The following DNAH10 variants were observed in gnomAD, a reference collection of about 807,000 sequenced individuals.
The protein encoded by DNAH10 is axonemal beta dynein heavy chain 10.
In DNAH10, 348 loss-of-function variants were observed where a neutral mutation model predicts 506.6. The ratio of observed to expected loss-of-function variants is 0.69; its 90% CI spans 0.63 to 0.75. The LOEUF (loss-of-function observed/expected upper bound fraction) is 0.75, where lower values mean the gene tolerates loss of function less well. DNAH10 is among the 30% of genes least tolerant of loss of function. The probability of loss-of-function intolerance (pLI) is 0.00; values close to 1 mark genes in which losing one functional copy is unlikely to be tolerated. For missense variants in DNAH10, 5,179 were observed against 5,787.1 expected (o/e 0.89, Z 3.41); for synonymous variants, 2,059 against 2,198.6 (o/e 0.94, Z 1.78).
At chr12:123,865,441 GT>G (rs2136915857) in intron 40 of DNAH10, among the ~76,000 whole-genome samples, 1 of 152,138 alleles carries the variant, frequency 6.6e-6, no homozygotes, top group East Asian at 1.9e-4. Context: ...TGTAAAATTT[GT>G]CAGTGCATGA....
intron 52 of DNAH10, among the ~76,000 whole-genome samples, chr12:123,892,308 G>A (rs1043501769): frequency 6.6e-5 from 10 of 152,268 alleles, no homozygotes; most frequent in Admixed American, 4.6e-4. Context: ...CGCGTCCCAT[G>A]GCCAGAGTGG....
At chr12:123,910,168 A>G (rs183219631) in intron 58 of DNAH10, among the ~76,000 whole-genome samples, 1 of 152,300 alleles carries the variant, frequency 6.6e-6, no homozygotes, top group African/African-American at 2.4e-5. Flanking sequence ...CATTGGATGG[A>G]CTTCCGTTTA....
At chr12:123,910,017 A>G (rs1953990809) in intron 58 of DNAH10, among the ~76,000 whole-genome samples, 1 of 152,226 alleles carries the variant, frequency 6.6e-6, no homozygotes, top group Non-Finnish European at 1.5e-5. Context: ...GCGAAAAGCA[A>G]TACAAGTTAA....
At chr12:123,806,766 A>G (rs550378269) in intron 18 of DNAH10, among the ~76,000 whole-genome samples, 29 of 144,986 alleles carry the variant, frequency 2.0e-4, no homozygotes, top group African/African-American at 7.2e-4. Flanking sequence ...CTAATATGCT[A>G]TGTTTTTTTT....
intron 57 of DNAH10, among the ~76,000 whole-genome samples, chr12:123,905,535 C>T (rs952990199): frequency 3.3e-5 from 5 of 152,162 alleles, no homozygotes; most frequent in Admixed American, 2.0e-4. Context: ...CAACAGGGGG[C>T]GCGATCACAT....
rs766333644 is a variant in DNAH10, at chr12:123,893,364, A to G, written c.9127A>G (p.Asn3043Asp). 1 of 1,614,000 alleles carries G rather than the reference A, an allele frequency of 6.2e-7. No homozygotes were observed. Among genetic ancestry groups the G allele is most frequent in the Non-Finnish European group, 8.5e-7 (1 of 1,179,910 alleles). Residue 3043 changes from asparagine (N) to aspartate (D), a missense_variant, in exon 53 of 79, where the codon AAT (asparagine) becomes GAT (aspartate). Asn to Asp is a conservative substitution (Grantham distance 23). Transcript: ENST00000673944. The part of the protein sequence containing the change: ...VWQYFVNKSA[N>D]NLHIVLGMSP... ...GCAGTACTTCGTGAACAAAAGTGCA[A>G]ATAACCTGCACATTGTCCTGGGCAT...
At chr12:123,770,502 T>C (rs1957211882) in intron 2 of DNAH10, among the ~76,000 whole-genome samples, 1 of 151,492 alleles carries the variant, frequency 6.6e-6, no homozygotes, top group African/African-American at 2.4e-5. Flanking sequence ...TTTTTTTTTT[T>C]TTTTTTTACT....
Position 123,826,668 on chromosome 12 carries a change from G to C in DNAH10, c.4180-19G>C. ...CAAAGGGGTCTTTGTTGATGGAGCT[G>C]TTCCTTGCACGTTTCCAGGTTGCAA... is the stretch of plus-strand genomic sequence containing the variant. On this transcript the variant is annotated intron_variant, in intron 24 of 78. Transcript: ENST00000673944. The C allele has an allele frequency of 6.2e-7, 1 of 1,609,972 alleles. No homozygotes were observed. Among genetic ancestry groups the C allele is most frequent in the Non-Finnish European group, 8.5e-7 (1 of 1,177,604 alleles).
chr12:123,771,798 A>G, intron 3 of DNAH10, 100 bp downstream of exon 3: 1 of 1,031,026 alleles, frequency 9.7e-7, no homozygotes, highest in Non-Finnish European at 1.4e-6. Context: ...GGGATTTATC[A>G]TGTTGGAATG....
chr12:123,776,313 TAG>T (rs1318795518), intron 5 of DNAH10, among the ~76,000 whole-genome samples: 1 of 151,876 alleles, frequency 6.6e-6, no homozygotes, highest in African/African-American at 2.4e-5. Context: ...ATCACAAGAA[TAG>T]AGAGTACCAA....
chr12:123,883,719 G>A (rs1165770521), intron 51 of DNAH10, among the ~76,000 whole-genome samples: 1 of 152,132 alleles, frequency 6.6e-6, no homozygotes, highest in African/African-American at 2.4e-5. Flanking sequence ...AATTACAAAT[G>A]ATCTTTATTT....
chr12:123,909,302 A>T lies in DNAH10; in HGVS notation c.9857A>T (p.Glu3286Val), dbSNP rs531284346. Residue 3286 changes from glutamate (E) to valine (V), a missense_variant, in exon 58 of 79, where the codon GAA becomes GTA. Physicochemically the swap from Glu to Val is moderately radical, Grantham distance 121. This residue lies in a region of DNAH10 where 4,844 missense variants were observed against 5,430.5 expected (regional missense o/e 0.89). Transcript: ENST00000673944. The surrounding 1 kb of genome is among the most constrained non-coding windows in gnomAD (Gnocchi z 5.4). ...CCGAAGCAGGTGCAGACGGTCTGCG[A>T]ATGCATCCTCATCATGAAAGGGTAC... ...KPPKQVQTVC[E>V]CILIMKGYKE... 23 of 1,613,426 alleles carry T rather than the reference A, an allele frequency of 1.4e-5. No individual in the cohort carries two copies. Among genetic ancestry groups the T allele is most frequent in the Non-Finnish European group, 1.9e-5 (23 of 1,179,806 alleles).
intron 5 of DNAH10, among the ~76,000 whole-genome samples, 197 bp from the exon 6 acceptor site, chr12:123,780,883 A>C (rs112270131): frequency 0.089 from 11,787 of 131,970 alleles, 747 homozygotes; most frequent in African/African-American, 0.2. Flanking sequence ...GGTGAGGTGG[A>C]GGTTGCAGTG....
chr12:123,860,344 C>T (rs1358686682), intron 38 of DNAH10, among the ~76,000 whole-genome samples: 1 of 152,224 alleles, frequency 6.6e-6, no homozygotes, highest in Non-Finnish European at 1.5e-5. Flanking sequence ...CCGTGGCCAT[C>T]TGCATTTCAT....
At position 123,800,364 on chromosome 12, in the gene DNAH10, C is replaced by T. The variant is rs1158634554; in HGVS notation, c.2438C>T (p.Ala813Val). Residue 813 changes from alanine (A) to valine (V), a missense_variant, in exon 15 of 79, where the codon GCT (alanine) becomes GTT (valine). Ala to Val is a moderately conservative substitution (Grantham distance 64, BLOSUM62 0). This residue lies in a region of DNAH10 where 4,844 missense variants were observed against 5,430.5 expected (regional missense o/e 0.89). Coordinates refer to ENST00000673944, the MANE Select transcript of DNAH10 (RefSeq NM_001372106.1). ...GTCCCTGAATTAGCAAGAAATGTTG[C>T]TCTCCAGGAAGACAAATTCCTTAGG... ...FTVPELARNV[A>V]LQEDKFLRYT... The T allele has an allele frequency of 1.9e-6, 3 of 1,613,598 alleles. No homozygotes were observed. The highest frequency in any genetic ancestry group is 2.5e-6 in the Non-Finnish European group (3 of 1,179,946).
rs1440766588 is a variant in DNAH10 at position 123,799,242 on chromosome 12, A to G, written c.2164-4A>G. 6 of 1,602,620 alleles carry G rather than the reference A, an allele frequency of 3.7e-6. No homozygotes were observed. The highest frequency in any genetic ancestry group is 5.1e-6 in the Non-Finnish European group (6 of 1,172,586). ...AAATGACGGTTGCTTGAATTCTTTG[A>G]TAGGTCAAACAAAAATATTTGGAAG... is the stretch of plus-strand genomic sequence containing the variant. On this transcript the variant is annotated splice_region_variant and splice_polypyrimidine_tract_variant and intron_variant, in intron 13 of 78. Coordinates refer to ENST00000673944, the MANE Select transcript of DNAH10 (RefSeq NM_001372106.1).
At chr12:123,838,336 G>C (rs1961395279) in intron 28 of DNAH10, 120 bp from the exon 29 acceptor site, 1 of 786,290 alleles carries the variant, frequency 1.3e-6, no homozygotes, top group Non-Finnish European at 2.0e-6. Flanking sequence ...GCACTGGGCA[G>C]CTTGTCAGTT....
At chr12:123,867,636 T>C (rs1346910550) in intron 42 of DNAH10, 35 bp downstream of exon 42, 1 of 1,610,824 alleles carries the variant, frequency 6.2e-7, no homozygotes, top group South Asian at 1.1e-5. Flanking sequence ...CAAAAAGAAA[T>C]TCTTTCCTAA....
chr12:123,884,294 C>A (rs1254541144), intron 51 of DNAH10, among the ~76,000 whole-genome samples: 4 of 152,236 alleles, frequency 2.6e-5, no homozygotes, highest in Non-Finnish European at 5.9e-5. Context: ...CACAGACTTT[C>A]TTCTTTGTCT....
Sources: allele counts gnomAD v4.1 joint callset (sites outside exome capture counted in the v4.1 genomes callset), GRCh38; gene constraint gnomAD v4.1.1; regional missense constraint gnomAD v4.1.1; non-coding constraint Gnocchi (gnomAD v3.1); transcripts MANE v1.5; gene names NCBI Gene and HGNC (gene_info 2026-07-23, HGNC 2026-07-21).